The following FARP2 variants were observed in gnomAD, a reference collection of about 807,000 sequenced individuals.
FARP2 encodes the protein FERM, ARHGEF and pleckstrin domain-containing protein 2.
Under a neutral mutation model 130.5 loss-of-function variants are expected in FARP2, and 111 were observed. The observed-to-expected ratio is 0.85, with a 90% confidence interval of 0.73 to 1.00. The LOEUF is 1.00. Among genes scored for constraint, FARP2 ranks in the 50% least tolerant of loss-of-function variants. The probability of loss-of-function intolerance (pLI) is 0.00; values close to 1 mark genes in which losing one functional copy is unlikely to be tolerated. For missense variants in FARP2, 1,385 were observed against 1,346.3 expected, an observed-to-expected ratio of 1.03 and a Z score of -0.45; for synonymous variants, 504 against 516.9, an observed-to-expected ratio of 0.98 and a Z score of 0.34.
chr2:241,417,165 C>T lies in FARP2; in HGVS notation c.624-797C>T, dbSNP rs538166491. On this transcript the variant is annotated intron_variant, in intron 7 of 26. Transcript: ENST00000264042. The stretch of plus-strand genomic sequence containing the variant: ...AAATACAAAAAGCTGGGCATGGTAG[C>T]GTGCACCTGTCGTCCCAGCTACTCA... Among the ~76,000 whole-genome samples, 36 of 150,780 alleles carry T rather than the reference C, an allele frequency of 2.4e-4. 1 individual carries two copies. Among genetic ancestry groups the T allele is most frequent in the Admixed American group, 2.2e-3 (33 of 15,074 alleles).
chr2:241,400,944 A>G (rs2062150640), intron 2 of FARP2, among the ~76,000 whole-genome samples: 1 of 152,216 alleles, frequency 6.6e-6, no homozygotes, highest in African/African-American at 2.4e-5. Flanking sequence ...GATGGACCAC[A>G]TGTGGAGCGC....
At chr2:241,417,846 C>G (rs1296684519) in intron 7 of FARP2, 116 bp from the exon 8 acceptor site, 1 of 1,107,670 alleles carries the variant, frequency 9.0e-7, no homozygotes, top group African/African-American at 1.6e-5. Flanking sequence ...GAACCATCTG[C>G]CCTCTAAACA....
chr2:241,457,015 C>A (rs748013829), intron 14 of FARP2, 93 bp downstream of exon 14: 5 of 1,214,088 alleles, frequency 4.1e-6, no homozygotes, highest in African/African-American at 1.5e-5. Context: ...GACCCTGGGG[C>A]GGGGCAGGGA....
chr2:241,431,582 C>CT lies in FARP2; in HGVS notation c.772-96dup. The CT allele has an allele frequency of 5.8e-6, 4 of 689,532 alleles. 1 individual carries two copies. In the South Asian group the frequency reaches 6.7e-5, roughly 12 times the overall value. The allele number at this position is 689,532 out of a possible 1,614,324, so 42.7% of individuals were successfully genotyped here. A position where few individuals can be genotyped will look rare whatever the true frequency, so the allele number is the denominator to read the frequency against. On this transcript the variant is annotated intron_variant, in intron 8 of 26. Coordinates refer to ENST00000264042, the MANE Select transcript of FARP2 (RefSeq NM_014808.4). ...TAATGGTAAAATGCCAAGTAGAGTG[C>CT]TGTGTTGGCAAGGATGTAATTTAAG...
intron 25 of FARP2, 23 bp from the exon 26 acceptor site, chr2:241,493,270 C>A: frequency 1.2e-6 from 2 of 1,610,560 alleles, no homozygotes; most frequent in Non-Finnish European, 1.7e-6. Flanking sequence ...CCCTGGAACC[C>A]GTGTCCCTAT....
intron 13 of FARP2, among the ~76,000 whole-genome samples, chr2:241,453,579 G>A (rs1225703813): frequency 2.0e-5 from 3 of 151,072 alleles, no homozygotes; most frequent in Non-Finnish European, 2.9e-5. Flanking sequence ...CCGAGATCGT[G>A]TCACTGCACT....
At chr2:241,493,259 C>G in intron 25 of FARP2, 34 bp from the exon 26 acceptor site, 1 of 1,606,500 alleles carries the variant, frequency 6.2e-7, no homozygotes, top group Non-Finnish European at 8.5e-7. Context: ...GGCAACCCAG[C>G]CCCTGGAACC....
chr2:241,473,145 AGGGGACTCTGTTCTGTG>A (rs2064363023), intron 18 of FARP2, among the ~76,000 whole-genome samples: 1 of 148,832 alleles, frequency 6.7e-6, no homozygotes, highest in Non-Finnish European at 1.5e-5. Flanking sequence ...TCTTTTTCTG[AGGGGACTCTGTTCTGTG>A]GGGGATTCTG....
chr2:241,358,536 A>G (rs541508519), intron 1 of FARP2, among the ~76,000 whole-genome samples: 16 of 152,316 alleles, frequency 1.1e-4, no homozygotes, highest in Admixed American at 2.6e-4. Flanking sequence ...TACCTCTTCT[A>G]TATTCGGACA....
Position 241,456,554 on chromosome 2 carries a change from A to G in FARP2, c.1412-193A>G, listed in dbSNP as rs1033880460. ...CTCTCTGAAATTGGGTAGATGAACC[A>G]TCAACCCTCATTTTCATTTTATGTC... On this transcript the variant is annotated intron_variant, in intron 13 of 26. Coordinates refer to ENST00000264042, the MANE Select transcript of FARP2 (RefSeq NM_014808.4). 77 of 604,180 alleles carry G rather than the reference A, an allele frequency of 1.3e-4. No homozygotes were observed. The Admixed American group carries it at 2.4e-3, about 18-fold the overall frequency. The allele number at this position is 604,180 out of a possible 1,614,324, so 37.4% of individuals were successfully genotyped here.
intron 8 of FARP2, among the ~76,000 whole-genome samples, chr2:241,420,867 TTATAA>T (rs774833242): frequency 2.6e-5 from 4 of 152,234 alleles, no homozygotes; most frequent in Admixed American, 6.5e-5. Flanking sequence ...ATATTTAAAA[TTATAA>T]TATAGGAGGA....
At chr2:241,414,707 C>G (rs1329256074) in intron 7 of FARP2, among the ~76,000 whole-genome samples, 2 of 152,172 alleles carry the variant, frequency 1.3e-5, no homozygotes, top group Non-Finnish European at 2.9e-5. Context: ...GCATGGCAGT[C>G]ATGAGATATA....
At chr2:241,410,393 T>C (rs1473820837) in intron 5 of FARP2, among the ~76,000 whole-genome samples, 1 of 152,072 alleles carries the variant, frequency 6.6e-6, no homozygotes, top group Non-Finnish European at 1.5e-5. Flanking sequence ...TGTGTAATTA[T>C]ATGTGGGTAG....
intron 19 of FARP2, among the ~76,000 whole-genome samples, chr2:241,479,354 C>T (rs943045645): frequency 8.5e-5 from 13 of 152,228 alleles, no homozygotes; most frequent in East Asian, 7.7e-4. Flanking sequence ...TGGCAGGAAG[C>T]GGCCACGGCC....
In FARP2 at chr2:241,491,499, T is replaced by A. The variant is rs896337464; in HGVS notation, c.2624-17T>A. On this transcript the variant is annotated splice_polypyrimidine_tract_variant and intron_variant, in intron 23 of 26. Coordinates refer to ENST00000264042, the MANE Select transcript of FARP2 (RefSeq NM_014808.4). ...CCACAGGGGGTTCCCCCTGAGACGC[T>A]GCTGACTTCTCCCCAGGATCCCCCA... The A allele has an allele frequency of 1.2e-6, 2 of 1,612,444 alleles. No individual in the cohort carries two copies. Among genetic ancestry groups the A allele is most frequent in the Non-Finnish European group, 8.5e-7 (1 of 1,179,756 alleles).
At chr2:241,441,109 G>A (rs563205691) in intron 12 of FARP2, among the ~76,000 whole-genome samples, 195 bp from the exon 13 acceptor site, 22 of 152,232 alleles carry the variant, frequency 1.4e-4, no homozygotes, top group Non-Finnish European at 5.9e-5. Flanking sequence ...GTAAACAGAC[G>A]ATCCTGGGTT....
intron 19 of FARP2, among the ~76,000 whole-genome samples, chr2:241,478,158 A>C (rs1331009981): frequency 6.6e-6 from 1 of 152,138 alleles, no homozygotes; most frequent in Non-Finnish European, 1.5e-5. Context: ...TTGTCAGCCA[A>C]GTGTAGCGGT....
intron 1 of FARP2, among the ~76,000 whole-genome samples, chr2:241,369,721 G>A (rs16843599): frequency 0.017 from 2,643 of 152,200 alleles, 51 homozygotes; most frequent in African/African-American, 0.046. Context: ...CAGATTTGTA[G>A]CATTACTTAA....
intron 18 of FARP2, among the ~76,000 whole-genome samples, chr2:241,470,174 A>G (rs1419676045): frequency 2.6e-5 from 4 of 152,240 alleles, no homozygotes; most frequent in East Asian, 1.9e-4. Context: ...CTTGAATAGA[A>G]TTCTCTTGGA....
Sources: allele counts gnomAD v4.1 joint callset (sites outside exome capture counted in the v4.1 genomes callset), GRCh38; gene constraint gnomAD v4.1.1; transcripts MANE v1.5; gene names NCBI Gene and HGNC (gene_info 2026-07-23, HGNC 2026-07-21).